ZC3H12B: variants seen among roughly 807,000 people sequenced by gnomAD.
The protein encoded by ZC3H12B is zinc finger CCCH-type containing 12B, also known as probable ribonuclease ZC3H12B.
A neutral mutation model predicts 43.9 loss-of-function variants in ZC3H12B; 7 were observed. That is an observed-to-expected ratio of 0.16 (90% CI 0.09 to 0.30). The LOEUF (loss-of-function observed/expected upper bound fraction) is 0.30. Ranked by LOEUF, ZC3H12B falls within the 10% of genes least tolerant of loss-of-function variation. ZC3H12B has a pLI of 1.00. For missense variants in ZC3H12B, 475 were observed against 670.2 expected (o/e 0.71, Z 3.22); for synonymous variants, 222 against 241.7 (o/e 0.92, Z 0.76).
At chrX:65,254,913 A>G in the ZC3H12B span, among the ~76,000 whole-genome samples, 1 of 112,135 alleles carries the variant, frequency 8.9e-6, no homozygotes, top group Non-Finnish European at 1.9e-5. Context: ...GAATTTCAGA[A>G]TACAATCACA....
the ZC3H12B span, among the ~76,000 whole-genome samples, chrX:65,232,983 A>G: frequency 1.8e-5 from 2 of 112,334 alleles, no homozygotes; most frequent in East Asian, 5.6e-4. Context: ...TGCCAAAAAT[A>G]TTAAAAAAGA....
chrX:65,365,168 AC>A (rs1385163067), upstream of ZC3H12B, among the ~76,000 whole-genome samples: 2 of 110,972 alleles, frequency 1.8e-5, no homozygotes, highest in Non-Finnish European at 3.8e-5. Context: ...GGTAGAACTG[AC>A]TAATGGTCTT....
intron 2 of ZC3H12B, among the ~76,000 whole-genome samples, chrX:65,386,478 G>C (rs1221077854): frequency 1.8e-5 from 2 of 111,673 alleles, no homozygotes; most frequent in Non-Finnish European, 3.8e-5. Flanking sequence ...TATTTCTGTG[G>C]TATCAGTGGT....
chrX:65,176,377 G>T, the ZC3H12B span, among the ~76,000 whole-genome samples: 11 of 111,721 alleles, frequency 9.8e-5, no homozygotes, highest in Non-Finnish European at 3.8e-5. Context: ...TGAAAGGCAG[G>T]AGCCCCAATC....
At chrX:65,454,221 A>G (rs1468670830) in intron 3 of ZC3H12B, among the ~76,000 whole-genome samples, 1 of 112,678 alleles carries the variant, frequency 8.9e-6, no homozygotes, top group African/African-American at 3.2e-5. Flanking sequence ...ACAAGGGGTC[A>G]GGGAACTCCC....
the ZC3H12B span, among the ~76,000 whole-genome samples, chrX:65,226,677 A>G: frequency 9.0e-6 from 1 of 111,427 alleles, no homozygotes; most frequent in African/African-American, 3.3e-5. Flanking sequence ...AAATAAAAGG[A>G]TGGAGAAAGA....
chrX:65,453,954 T>C (rs982726484), intron 3 of ZC3H12B, among the ~76,000 whole-genome samples: 2 of 111,461 alleles, frequency 1.8e-5, no homozygotes, highest in African/African-American at 6.5e-5. Flanking sequence ...AGACTACACA[T>C]TGGGTACAGT....
At chrX:65,225,128 G>C in the ZC3H12B span, among the ~76,000 whole-genome samples, 1 of 111,700 alleles carries the variant, frequency 9.0e-6, no homozygotes, top group Non-Finnish European at 1.9e-5. Context: ...GCACCCCCCA[G>C]TAGGGGCAGA....
the ZC3H12B span, among the ~76,000 whole-genome samples, chrX:65,189,470 C>G: frequency 2.8e-5 from 3 of 106,489 alleles, no homozygotes; most frequent in Non-Finnish European, 5.8e-5. Flanking sequence ...TGTTTCCTGA[C>G]TTTTTAATGA....
the ZC3H12B span, among the ~76,000 whole-genome samples, chrX:65,295,244 C>A: frequency 9.0e-6 from 1 of 111,282 alleles, no homozygotes; most frequent in Non-Finnish European, 1.9e-5. Context: ...AAATCAACTC[C>A]AAAATGAACC....
At chrX:65,086,149 T>C in the ZC3H12B span, among the ~76,000 whole-genome samples, 1 of 110,072 alleles carries the variant, frequency 9.1e-6, no homozygotes, top group East Asian at 2.8e-4. Context: ...TCCTGCTCTT[T>C]CTTTGCCTTC....
At chrX:65,076,496 A>G in the ZC3H12B span, among the ~76,000 whole-genome samples, 1 of 110,931 alleles carries the variant, frequency 9.0e-6, no homozygotes, top group Non-Finnish European at 1.9e-5. Context: ...ATTCTTTCTC[A>G]TCTCCTACTG....
At chrX:65,214,179 G>T in the ZC3H12B span, among the ~76,000 whole-genome samples, 2 of 111,281 alleles carry the variant, frequency 1.8e-5, no homozygotes, top group East Asian at 2.8e-4. Context: ...ACTGATCAGG[G>T]TGACTGATAA....
At chrX:65,229,153 C>T in the ZC3H12B span, among the ~76,000 whole-genome samples, 1 of 110,639 alleles carries the variant, frequency 9.0e-6, no homozygotes, top group African/African-American at 3.3e-5. Flanking sequence ...GCTACAGTAA[C>T]CAAAACAGCA....
chrX:65,209,756 T>C, the ZC3H12B span, among the ~76,000 whole-genome samples: 1 of 106,159 alleles, frequency 9.4e-6, no homozygotes, highest in African/African-American at 3.5e-5. Context: ...CCCTCAGAAA[T>C]AATGCCACAT....
the ZC3H12B span, among the ~76,000 whole-genome samples, chrX:65,113,964 C>T: frequency 7.8e-5 from 6 of 77,303 alleles, no homozygotes; most frequent in Admixed American, 2.0e-4. Context: ...GAACTGAAAC[C>T]GCAATATCTG....
At chrX:65,385,509 G>C (rs1169175197) in intron 2 of ZC3H12B, among the ~76,000 whole-genome samples, 1 of 112,314 alleles carries the variant, frequency 8.9e-6, no homozygotes, top group Non-Finnish European at 1.9e-5. Flanking sequence ...TGTATTATGA[G>C]AGTTTGCTGA....
chrX:65,187,291 GAA>G, the ZC3H12B span: 2 of 112,006 alleles, frequency 1.8e-5, no homozygotes, highest in Non-Finnish European at 3.8e-5. Flanking sequence ...GAAAAAGTTA[GAA>G]GATAGTGTGG....
chrX:65,228,597 C>T, the ZC3H12B span, among the ~76,000 whole-genome samples: 3 of 111,114 alleles, frequency 2.7e-5, no homozygotes, highest in African/African-American at 9.9e-5. Flanking sequence ...TCAAATTGTC[C>T]CTGTTTGCAG....
Sources: allele counts gnomAD v4.1 joint callset (sites outside exome capture counted in the v4.1 genomes callset), GRCh38; gene constraint gnomAD v4.1.1; transcripts MANE v1.5; gene names NCBI Gene and HGNC (gene_info 2026-07-23, HGNC 2026-07-21).